The following FAM131C variants were observed in gnomAD, a reference collection of about 807,000 sequenced individuals.
FAM131C encodes the protein protein FAM131C.
In FAM131C, 14 loss-of-function variants were observed where a neutral mutation model predicts 29.8. The ratio of observed to expected loss-of-function variants is 0.47; its 90% confidence interval spans 0.31 to 0.73. The LOEUF (loss-of-function observed/expected upper bound fraction) is 0.73, where lower values mean the gene tolerates loss of function less well. Among genes scored for constraint, FAM131C ranks in the 30% least tolerant of loss-of-function variants. FAM131C has a pLI of 0.05. For missense variants in FAM131C, 252 were observed against 383.8 expected (o/e 0.66, Z 2.87); for synonymous variants, 86 against 157.8 (o/e 0.54, Z 3.41).
chr1:16,063,105 T>G (rs1458093026), intron 2 of FAM131C, among the ~76,000 whole-genome samples: 1 of 148,090 alleles, frequency 6.8e-6, no homozygotes. Flanking sequence ...ATATAAAATT[T>G]TAATATATAT....
intron 1 of FAM131C, among the ~76,000 whole-genome samples, chr1:16,064,026 C>T (rs1020718817): frequency 5.9e-5 from 9 of 151,992 alleles, no homozygotes; most frequent in Non-Finnish European, 1.2e-4. Flanking sequence ...GCCCTTACCT[C>T]TCACCCCGGT....
intron 6 of FAM131C, 85 bp from the exon 7 acceptor site, chr1:16,058,802 C>CAGA: frequency 4.0e-6 from 5 of 1,251,268 alleles, no homozygotes; most frequent in Non-Finnish European, 5.5e-6. Flanking sequence ...GGGCAAGGGG[C>CAGA]AGAAGACCTG....
chr1:16,059,779 C>T (rs1205206540), intron 5 of FAM131C, 90 bp downstream of exon 5: 24 of 1,298,778 alleles, frequency 1.8e-5, no homozygotes, highest in African/African-American at 5.9e-5. Context: ...TTATTTTTTC[C>T]TGCCCAGACA....
At position 16,073,526 on chromosome 1, in the gene FAM131C, G is replaced by C. The variant is rs2023780936; in HGVS notation, c.-84C>G. ...TGTCTCCGCGGGCCCGGGGCTGAGC[G>C]CTGCGGAGCCAGAGGACGGGCGGGG... On this transcript the variant is annotated 5_prime_UTR_variant, in exon 1 of 7. Transcript: ENST00000375662. The C allele has an allele frequency of 2.4e-6, 2 of 841,916 alleles. No homozygotes were observed. The highest frequency in any genetic ancestry group is 1.8e-5 in the African/African-American group (1 of 55,956). The allele number at this position is 841,916 out of a possible 1,614,324, so 52.2% of individuals were successfully genotyped here.
chr1:16,062,709 A>G (rs1184373133), intron 2 of FAM131C, among the ~76,000 whole-genome samples, 175 bp from the exon 3 acceptor site: 1 of 152,220 alleles, frequency 6.6e-6, no homozygotes, highest in Non-Finnish European at 1.5e-5. Flanking sequence ...GCAGAGGAAG[A>G]AGGAGGGGGC....
rs996464875 is a variant in FAM131C at position 16,073,638 on chromosome 1, G to A, written c.-196C>T. 26 of 172,264 alleles carry A rather than the reference G, an allele frequency of 1.5e-4. No homozygotes were observed. The highest frequency in any genetic ancestry group is 5.3e-4 in the African/African-American group (22 of 41,616). 10.7% of individuals were successfully genotyped at this position (172,264 alleles called of 1,614,324 possible). A position where few individuals can be genotyped will look rare whatever the true frequency, so the allele number is the denominator to read the frequency against. On this transcript the variant is annotated 5_prime_UTR_variant, in exon 1 of 7. Transcript: ENST00000375662. ...CGCGCCCGGCTCGCCTCGCGCCGCC[G>A]CCTCCCGCGCAGTGCCCGCCGCTGC...
chr1:16,059,003 G>A (rs1350551279), intron 6 of FAM131C, among the ~76,000 whole-genome samples: 1 of 152,076 alleles, frequency 6.6e-6, no homozygotes, highest in Non-Finnish European at 1.5e-5. Context: ...TCCCTCTTGG[G>A]GCAGGAGGAC....
intron 1 of FAM131C, among the ~76,000 whole-genome samples, chr1:16,072,896 G>T (rs2023767400): frequency 6.6e-6 from 1 of 152,052 alleles, no homozygotes; most frequent in African/African-American, 2.4e-5. Flanking sequence ...AGGGGGCAGG[G>T]GAACCTTCTT....
chr1:16,072,518 G>T (rs2023763334), intron 1 of FAM131C, among the ~76,000 whole-genome samples: 1 of 152,190 alleles, frequency 6.6e-6, no homozygotes, highest in Non-Finnish European at 1.5e-5. Context: ...TGATCCCACT[G>T]TGGGGTGAAC....
At chr1:16,064,647 A>G (rs2124130512) in intron 1 of FAM131C, among the ~76,000 whole-genome samples, 1 of 152,232 alleles carries the variant, frequency 6.6e-6, no homozygotes, top group South Asian at 2.1e-4. Flanking sequence ...TGGCAACCCA[A>G]GCATCTCCTG....
At chr1:16,062,569 C>T (rs1289200699) in intron 2 of FAM131C, 35 bp from the exon 3 acceptor site, 1 of 1,555,014 alleles carries the variant, frequency 6.4e-7, no homozygotes. Flanking sequence ...CAGGCAGGGC[C>T]TGGCACGCTG....
chr1:16,062,781 T>C (rs1463405224), intron 2 of FAM131C, among the ~76,000 whole-genome samples: 2 of 152,268 alleles, frequency 1.3e-5, no homozygotes, highest in Non-Finnish European at 2.9e-5. Context: ...GGGTGTGGGC[T>C]CTGACTTTGC....
chr1:16,067,075 ACT>A (rs1262806976), intron 1 of FAM131C, among the ~76,000 whole-genome samples: 3 of 152,202 alleles, frequency 2.0e-5, no homozygotes. Context: ...CAGAGGCATG[ACT>A]TGAACAAGGT....
At chr1:16,061,232 G>A (rs1162943190) in intron 4 of FAM131C, among the ~76,000 whole-genome samples, 1 of 152,162 alleles carries the variant, frequency 6.6e-6, no homozygotes, top group Non-Finnish European at 1.5e-5. Context: ...AATTGGAGAG[G>A]GTGTTTTGTA....
chr1:16,063,778 G>A, intron 1 of FAM131C, 142 bp from the exon 2 acceptor site: 1 of 584,700 alleles, frequency 1.7e-6, no homozygotes, highest in Non-Finnish European at 3.0e-6. Flanking sequence ...CAAGTCCACA[G>A]CAGGGAAGGG....
intron 1 of FAM131C, among the ~76,000 whole-genome samples, chr1:16,067,146 C>T (rs1017022239): frequency 4.6e-5 from 7 of 152,142 alleles, no homozygotes; most frequent in African/African-American, 9.7e-5. Context: ...CTCCCCAGCC[C>T]GCCTGGCTCC....
chr1:16,070,893 C>T (rs368016556), intron 1 of FAM131C, among the ~76,000 whole-genome samples: 5 of 152,358 alleles, frequency 3.3e-5, no homozygotes, highest in Admixed American at 3.3e-4. Flanking sequence ...GCACTCCTAG[C>T]CTCTCTACCA....
chr1:16,061,733 C>T (rs1449065105), intron 4 of FAM131C, among the ~76,000 whole-genome samples: 1 of 151,950 alleles, frequency 6.6e-6, no homozygotes, highest in African/African-American at 2.4e-5. Flanking sequence ...TCTTGAGGGC[C>T]ATTCCCCAGG....
At chr1:16,060,090 A>G in intron 4 of FAM131C, 39 bp from the exon 5 acceptor site, 2 of 1,136,356 alleles carry the variant, frequency 1.8e-6, no homozygotes. Flanking sequence ...GTCCTGACAC[A>G]AGGCTCAGCG....
Sources: gnomAD v4.1 joint callset for allele counts (sites outside exome capture counted in the v4.1 genomes callset) on GRCh38, gnomAD v4.1.1 for gene constraint, MANE v1.5 for transcripts, NCBI Gene and HGNC (gene_info 2026-07-23, HGNC 2026-07-21) for gene names.